PUM2: variants seen among roughly 807,000 people sequenced by gnomAD.
PUM2 encodes the protein pumilio homolog 2.
A neutral mutation model predicts 124.5 loss-of-function variants in PUM2; 57 were observed. The observed-to-expected ratio is 0.46, with a 90% CI of 0.37 to 0.57. The LOEUF is 0.57. Among genes scored for constraint, PUM2 ranks in the 20% least tolerant of loss-of-function variants. The pLI is 0.00. For synonymous variants in PUM2, 460 were observed against 446.1 expected (o/e 1.03, Z -0.39); for missense variants, 1,065 against 1,290.6 (o/e 0.83, Z 2.68).
chr2:20,293,040 G>A (rs999191732), intron 9 of PUM2, among the ~76,000 whole-genome samples: 4 of 152,140 alleles, frequency 2.6e-5, no homozygotes, highest in South Asian at 2.1e-4. Context: ...ACCAAACCAA[G>A]TTTTCAGGAT....
At chr2:20,345,859 C>T (rs1356817217) in intron 1 of PUM2, among the ~76,000 whole-genome samples, 2 of 152,074 alleles carry the variant, frequency 1.3e-5, no homozygotes, top group African/African-American at 2.4e-5. Context: ...GCAACAAGAG[C>T]GAAACTCTGT....
intron 13 of PUM2, among the ~76,000 whole-genome samples, chr2:20,267,026 C>CTTTTTTTT (rs373222999): frequency 5.6e-5 from 8 of 142,810 alleles, no homozygotes; most frequent in Non-Finnish European, 9.2e-5. Context: ...ATGCCTGTAA[C>CTTTTTTTT]TTTTTTTTTT....
At chr2:20,267,511 T>C (rs928124804) in intron 13 of PUM2, among the ~76,000 whole-genome samples, 2 of 152,160 alleles carry the variant, frequency 1.3e-5, no homozygotes, top group Non-Finnish European at 2.9e-5. Context: ...AACAAACACA[T>C]AAACAGGTCA....
At chr2:20,302,428 A>T (rs994158129) in intron 7 of PUM2, among the ~76,000 whole-genome samples, 6 of 152,170 alleles carry the variant, frequency 3.9e-5, no homozygotes, top group African/African-American at 1.4e-4. Flanking sequence ...CAACAAGGAA[A>T]TTGTATCAAA....
intron 1 of PUM2, among the ~76,000 whole-genome samples, chr2:20,341,959 G>A (rs750914706): frequency 2.0e-5 from 3 of 151,824 alleles, no homozygotes; most frequent in East Asian, 3.9e-4. Context: ...GTGAAAGGCC[G>A]TCTCTACTAA....
At position 20,290,664 on chromosome 2, in the gene PUM2, T is replaced by G. The variant is rs768774395; in HGVS notation, c.1279A>C (p.Thr427Pro). 1.9e-6 allele frequency: 3 copies of G among 1,609,316 alleles called. No individual in the cohort carries two copies. Among genetic ancestry groups the G allele is most frequent in the East Asian group, 2.2e-5 (1 of 44,778 alleles). The change falls in exon 10 of 21, where the codon ACT becomes CCT. Residue 427 changes from threonine (T) to proline (P), a missense_variant. Physicochemically the swap from Thr to Pro is conservative, Grantham distance 38 (BLOSUM62 -1). Around this residue, in one of 3 missense-constraint regions of PUM2, gnomAD observed 968 missense variants for 1,159.8 expected, o/e 0.83. Transcript: ENST00000361078. ...ACCAATTGTATACCTGGCATGCCAG[T>G]AGCAAGACCCTGACCAAAAGCCAAT... ...PTLAFGQGLA[T>P]GMPGYQVLAP...
At chr2:20,289,904 CAA>C (rs1170006553) in intron 10 of PUM2, among the ~76,000 whole-genome samples, 3 of 151,890 alleles carry the variant, frequency 2.0e-5, no homozygotes, top group African/African-American at 7.3e-5. Flanking sequence ...ACTGATATAC[CAA>C]AAGTGAAAAA....
At chr2:20,339,280 T>C (rs116702921) in intron 1 of PUM2, among the ~76,000 whole-genome samples, 88 of 151,952 alleles carry the variant, frequency 5.8e-4, no homozygotes, top group Middle Eastern at 3.4e-3. Flanking sequence ...ACTTGGGAGA[T>C]TGAGGTGGCA....
intron 2 of PUM2, among the ~76,000 whole-genome samples, chr2:20,323,483 C>G (rs904882397): frequency 6.6e-6 from 1 of 151,048 alleles, no homozygotes; most frequent in African/African-American, 2.4e-5. Context: ...ATATAGTACA[C>G]AGCAGACACA....
intron 20 of PUM2, among the ~76,000 whole-genome samples, chr2:20,253,113 CTG>C (rs970730959): frequency 2.0e-5 from 3 of 152,152 alleles, no homozygotes; most frequent in Admixed American, 2.0e-4. Context: ...TGACGGGCAA[CTG>C]TACAGTTAAA....
chr2:20,338,714 G>A (rs898320573), intron 1 of PUM2, among the ~76,000 whole-genome samples: 2 of 152,120 alleles, frequency 1.3e-5, no homozygotes, highest in African/African-American at 4.8e-5. Context: ...GGAATACTAA[G>A]GATATAGTAA....
At chr2:20,302,595 T>G (rs990553636) in intron 7 of PUM2, among the ~76,000 whole-genome samples, 1 of 152,194 alleles carries the variant, frequency 6.6e-6, no homozygotes, top group Non-Finnish European at 1.5e-5. Context: ...CATGCACACA[T>G]GGATCTATTT....
intron 1 of PUM2, among the ~76,000 whole-genome samples, chr2:20,343,126 G>A (rs62124600): frequency 7.3e-6 from 1 of 137,448 alleles, no homozygotes; most frequent in African/African-American, 2.5e-5. Flanking sequence ...TTTTAAAAGA[G>A]TCTGTGTTTA....
At chr2:20,264,286 A>G (rs1666999077) in intron 13 of PUM2, among the ~76,000 whole-genome samples, 2 of 137,388 alleles carry the variant, frequency 1.5e-5, no homozygotes, top group African/African-American at 2.7e-5. Flanking sequence ...GCAGTGAACC[A>G]AGATCACACT....
Position 20,256,049 on chromosome 2 carries a change from T to A in PUM2, c.2606A>T (p.Asp869Val). The change falls in exon 17 of 21, where the codon GAT becomes GTT. Residue 869 changes from aspartate to valine, a missense_variant. Asp to Val is a radical substitution (Grantham distance 152). Around this residue, in one of 3 missense-constraint regions of PUM2, gnomAD observed 968 missense variants for 1,159.8 expected, o/e 0.83. Coordinates refer to ENST00000361078, the MANE Select transcript of PUM2 (RefSeq NM_015317.5). ...VQPQSLQFII[D>V]AFKGQVFVLS... Reference sequence around the variant, plus strand: ...CAAACATACTTGTCCCTTGAAAGCATCAATGATGAACTGTAGTGACTGTGG... The same window carrying A: ...CAAACATACTTGTCCCTTGAAAGCAACAATGATGAACTGTAGTGACTGTGG... 1 of 1,569,412 alleles carries A rather than the reference T, an allele frequency of 6.4e-7. No individual in the cohort carries two copies. Among genetic ancestry groups the A allele is most frequent in the Non-Finnish European group, 8.6e-7 (1 of 1,164,374 alleles).
intron 15 of PUM2, among the ~76,000 whole-genome samples, chr2:20,259,553 C>T (rs1321439432): frequency 1.3e-5 from 2 of 152,184 alleles, no homozygotes; most frequent in African/African-American, 2.4e-5. Context: ...TTGTGTGTGG[C>T]TTGTTTCACT....
At chr2:20,304,186 A>G (rs1358971070) in intron 7 of PUM2, among the ~76,000 whole-genome samples, 3 of 152,156 alleles carry the variant, frequency 2.0e-5, no homozygotes, top group Non-Finnish European at 2.9e-5. Flanking sequence ...CCTGAACTGC[A>G]TAGGCCCCTT....
chr2:20,286,183 G>C (rs1430683521), intron 10 of PUM2, among the ~76,000 whole-genome samples: 1 of 152,182 alleles, frequency 6.6e-6, no homozygotes, highest in Non-Finnish European at 1.5e-5. Context: ...TTACTATGTA[G>C]AGAGAGGACT....
intron 10 of PUM2, among the ~76,000 whole-genome samples, chr2:20,285,714 A>T (rs745724784): frequency 3.7e-4 from 57 of 152,214 alleles, no homozygotes; most frequent in Non-Finnish European, 7.3e-4. Flanking sequence ...GCAGGGAAAA[A>T]TAAGGAAAAA....
Sources: allele counts gnomAD v4.1 joint callset (sites outside exome capture counted in the v4.1 genomes callset), GRCh38; gene constraint gnomAD v4.1.1; regional missense constraint gnomAD v4.1.1; transcripts MANE v1.5; gene names NCBI Gene and HGNC (gene_info 2026-07-23, HGNC 2026-07-21).